The following SCLY variants were observed in gnomAD, a reference collection of about 807,000 sequenced individuals.
SCLY encodes the protein putative selenocysteine lyase.
Under a neutral mutation model 50.1 loss-of-function variants are expected in SCLY, and 38 were observed. That is an observed-to-expected ratio of 0.76 (90% confidence interval 0.59 to 0.99). The LOEUF is 0.99. SCLY is among the 50% of genes least tolerant of loss of function. The pLI is 0.00. For synonymous variants in SCLY, 243 were observed against 249.4 expected (o/e 0.97, Z 0.24); for missense variants, 600 against 620.0 (o/e 0.97, Z 0.34).
At chr2:238,085,554 T>C (rs1414249872) in intron 7 of SCLY, among the ~76,000 whole-genome samples, 1 of 149,680 alleles carries the variant, frequency 6.7e-6, no homozygotes, top group East Asian at 2.0e-4. Flanking sequence ...CCATCTCTAC[T>C]GAAAAAAAAA....
At chr2:238,089,548 C>T (rs1357003113) in intron 7 of SCLY, among the ~76,000 whole-genome samples, 1 of 152,194 alleles carries the variant, frequency 6.6e-6, no homozygotes, top group Non-Finnish European at 1.5e-5. Flanking sequence ...GCTTGTCCAA[C>T]CTGCGGCCTG....
chr2:238,082,026 T>C lies in SCLY; in HGVS notation c.613-19T>C. The C allele has an allele frequency of 6.2e-7, 1 of 1,607,454 alleles. No individual in the cohort carries two copies. Among genetic ancestry groups the C allele is most frequent in the African/African-American group, 1.3e-5 (1 of 74,958 alleles). On this transcript the variant is annotated intron_variant, in intron 5 of 11. Coordinates refer to ENST00000254663, the MANE Select transcript of SCLY (RefSeq NM_016510.7). Reference sequence around the variant, plus strand: ...ATCAGATCGGAGCAACATACTCAACTGTTTCCTTTCCCCGTCAGCCTGTCC... The same window carrying C: ...ATCAGATCGGAGCAACATACTCAACCGTTTCCTTTCCCCGTCAGCCTGTCC...
chr2:238,091,310 A>C (rs1396726993), intron 8 of SCLY, 56 bp downstream of exon 8: 1 of 1,439,316 alleles, frequency 6.9e-7, no homozygotes, highest in African/African-American at 1.4e-5. Context: ...CAGTGTCCCC[A>C]GCGGCTCTAG....
chr2:238,091,543 G>GC, intron 8 of SCLY: 2 of 328,742 alleles, frequency 6.1e-6, no homozygotes, highest in East Asian at 5.7e-5. Context: ...TCAAGCTGCA[G>GC]GTTCACCATT....
chr2:238,075,778 G>A (rs1307552489), intron 4 of SCLY, among the ~76,000 whole-genome samples: 2 of 151,970 alleles, frequency 1.3e-5, no homozygotes, highest in South Asian at 2.1e-4. Context: ...TTTAGCTAAA[G>A]ATTTATCTTT....
chr2:238,081,427 G>A (rs770915509), intron 4 of SCLY: 2 of 361,292 alleles, frequency 5.5e-6, no homozygotes, highest in Non-Finnish European at 1.0e-5. Flanking sequence ...CTGCATCCCT[G>A]TTGCCTCTTC....
rs1266484040 is a variant in SCLY, at chr2:238,098,746, C to T, written c.*391C>T. The T allele has an allele frequency of 3.0e-6, 1 of 335,488 alleles. No individual in the cohort carries two copies. The highest frequency in any genetic ancestry group is 5.3e-6 in the Non-Finnish European group (1 of 186,928). The allele number at this position is 335,488 out of a possible 1,614,324, so 20.8% of individuals were successfully genotyped here. A position where few individuals can be genotyped will look rare whatever the true frequency, so the allele number is the denominator to read the frequency against. Reference sequence around the variant, plus strand: ...ACTGGGCACGCCTGTTGTGAGTGCCCTTTCCTGGAAGGTGTTTTTATCTGG... The same window carrying T: ...ACTGGGCACGCCTGTTGTGAGTGCCTTTTCCTGGAAGGTGTTTTTATCTGG... On this transcript the variant is annotated 3_prime_UTR_variant, in exon 12 of 12. Coordinates refer to ENST00000254663, the MANE Select transcript of SCLY (RefSeq NM_016510.7).
chr2:238,085,843 T>A (rs2065292052), intron 7 of SCLY, among the ~76,000 whole-genome samples: 2 of 152,166 alleles, frequency 1.3e-5, no homozygotes, highest in Non-Finnish European at 1.5e-5. Context: ...CCTGAAAAAG[T>A]GCTTGAAGAA....
chr2:238,087,397 C>T (rs2065309897), intron 7 of SCLY, among the ~76,000 whole-genome samples: 1 of 152,166 alleles, frequency 6.6e-6, no homozygotes, highest in Non-Finnish European at 1.5e-5. Context: ...AGGAAGTTGA[C>T]AACTTAGATG....
chr2:238,094,854 G>T (rs756172929), intron 10 of SCLY: 3 of 293,248 alleles, frequency 1.0e-5, no homozygotes, highest in African/African-American at 6.5e-5. Context: ...TGTCTATTTT[G>T]TTGGCAGTTT....
chr2:238,090,078 A>G (rs1173149614), intron 7 of SCLY, among the ~76,000 whole-genome samples: 1 of 152,192 alleles, frequency 6.6e-6, no homozygotes, highest in African/African-American at 2.4e-5. Flanking sequence ...AACAGCAAAA[A>G]TAATATAAAA....
At chr2:238,065,003 T>TA (rs1157620726) in intron 2 of SCLY, 1 of 152,252 alleles carries the variant, frequency 6.6e-6, no homozygotes, top group Non-Finnish European at 1.5e-5. Context: ...ATGACAGAGT[T>TA]ACATTCTGTT....
At chr2:238,094,708 G>A (rs911978163) in intron 10 of SCLY, 186 bp downstream of exon 10, 38 of 572,412 alleles carry the variant, frequency 6.6e-5, no homozygotes, top group Non-Finnish European at 1.5e-5. Flanking sequence ...CAGGGCTCTC[G>A]CCGCTGGCCC....
At chr2:238,070,016 T>C (rs2065112077) in intron 4 of SCLY, among the ~76,000 whole-genome samples, 1 of 152,210 alleles carries the variant, frequency 6.6e-6, no homozygotes, top group Non-Finnish European at 1.5e-5. Context: ...CGAGGCCTCC[T>C]GCTATGTGTG....
Position 238,068,061 on chromosome 2 carries a change from C to G in SCLY, c.203-4C>G. On this transcript the variant is annotated splice_polypyrimidine_tract_variant and splice_region_variant and intron_variant, in intron 2 of 11. Coordinates refer to ENST00000254663, the MANE Select transcript of SCLY (RefSeq NM_016510.7). The stretch of plus-strand genomic sequence containing the variant: ...TTAATGAATTTCCTTTTTGGTCCCT[C>G]AAGGAAGAAAGGCCAAGGATATTAT... The G allele has an allele frequency of 6.2e-7, 1 of 1,604,756 alleles. No individual in the cohort carries two copies. The highest frequency in any genetic ancestry group is 1.1e-5 in the South Asian group (1 of 89,364).
In SCLY at chr2:238,083,314, A is replaced by G. The variant is rs1451349122; in HGVS notation, c.844A>G (p.Met282Val). The change falls in exon 7 of 12, where the codon ATG (methionine) becomes GTG (valine). Residue 282 changes from methionine to valine, a missense_variant. By Grantham distance (21) the Met-to-Val change is conservative. Coordinates refer to ENST00000254663, the MANE Select transcript of SCLY (RefSeq NM_016510.7). This position sits in a 1 kb window ranked among gnomAD's most constrained non-coding sequence, Gnocchi z 4.3. ...TGGTGAATTTACCCCTCTCTACCCT[A>G]TGCTATTTGGAGGTGGACAAGAACG... ...GLGEFTPLYPMLFGGGQERNF... is the reference protein window; with the variant it reads ...GLGEFTPLYPVLFGGGQERNF... The G allele has an allele frequency of 4.3e-6, 7 of 1,613,774 alleles. No individual in the cohort carries two copies. Among genetic ancestry groups the G allele is most frequent in the Admixed American group, 1.7e-5 (1 of 60,022 alleles).
intron 1 of SCLY, among the ~76,000 whole-genome samples, chr2:238,063,799 G>T (rs1362996444): frequency 6.6e-6 from 1 of 152,248 alleles, no homozygotes; most frequent in Admixed American, 6.5e-5. Flanking sequence ...GGAATGTGCA[G>T]CTGTTCCCCT....
rs766910740 is a variant in SCLY, at chr2:238,098,227, G to A, written c.1210G>A (p.Gly404Ser). 1.2e-5 allele frequency: 19 copies of A among 1,606,338 alleles called. No homozygotes were observed. The Admixed American group carries it at 2.3e-4, about 20-fold the overall frequency. Residue 404 changes from glycine to serine, a missense_variant, in exon 12 of 12, where the codon GGT (glycine) becomes AGT (serine). Physicochemically the swap from Gly to Ser is moderately conservative, Grantham distance 56. Coordinates refer to ENST00000254663, the MANE Select transcript of SCLY (RefSeq NM_016510.7). Reference sequence around the variant, plus strand: ...GCCGTCCCCAGTGCTGCTGAGCTACGGTGTCCCCTTCGACGTGGCCAGGAA... The same window carrying A: ...GCCGTCCCCAGTGCTGCTGAGCTACAGTGTCCCCTTCGACGTGGCCAGGAA... ...DQPSPVLLSY[G>S]VPFDVARNAL...
intron 4 of SCLY, chr2:238,078,697 T>C (rs2065199312): frequency 6.6e-6 from 1 of 151,244 alleles, no homozygotes. Flanking sequence ...AAATATCTTT[T>C]TTTTTTTTTT....
Sources: allele counts gnomAD v4.1 joint callset (sites outside exome capture counted in the v4.1 genomes callset), GRCh38; gene constraint gnomAD v4.1.1; non-coding constraint Gnocchi (gnomAD v3.1); transcripts MANE v1.5; gene names NCBI Gene and HGNC (gene_info 2026-07-23, HGNC 2026-07-21).